ADAMTS17: variants seen among roughly 807,000 people sequenced by gnomAD.
ADAMTS17 encodes ADAM metallopeptidase with thrombospondin type 1 motif 17.
In ADAMTS17, 113 loss-of-function variants were observed where a neutral mutation model predicts 141.5. That is an observed-to-expected ratio of 0.80 (90% CI 0.69 to 0.93). The LOEUF (loss-of-function observed/expected upper bound fraction) is 0.93. Ranked by LOEUF, ADAMTS17 falls within the 40% of genes least tolerant of loss-of-function variation. The pLI, the probability that ADAMTS17 is intolerant of heterozygous loss-of-function variation, is 0.00. For missense variants in ADAMTS17, 1,659 were observed against 1,517.9 expected (o/e 1.09, Z -1.54); for synonymous variants, 768 against 630.6 (o/e 1.22, Z -3.27).
At chr15:100,102,362 A>AGCTGAAGGGGATCTACATTTGAGGGCCG (rs1567175899) in intron 14 of ADAMTS17, among the ~76,000 whole-genome samples, 4 of 81,366 alleles carry the variant, frequency 4.9e-5, no homozygotes, top group African/African-American at 2.3e-4. Context: ...TTTGAGGGCC[A>AGCTGAAGGGGATCTACATTTGAGGGCCG]ACCGAAGGGG....
At chr15:100,201,339 CT>C (rs140694860) in intron 7 of ADAMTS17, among the ~76,000 whole-genome samples, 11,777 of 152,206 alleles carry the variant, frequency 0.077, 582 homozygotes, top group South Asian at 0.21. Flanking sequence ...CCCCTCCCCC[CT>C]CTCTCCTGCT....
At chr15:100,041,039 C>T (rs981118352) in intron 18 of ADAMTS17, among the ~76,000 whole-genome samples, 10 of 152,220 alleles carry the variant, frequency 6.6e-5, no homozygotes, top group African/African-American at 2.4e-4. Context: ...TTCCAGGCTT[C>T]ATTCTTAAGT....
intron 4 of ADAMTS17, among the ~76,000 whole-genome samples, chr15:100,275,305 G>C (rs1232747484): frequency 6.6e-6 from 1 of 152,222 alleles, no homozygotes; most frequent in Non-Finnish European, 1.5e-5. Context: ...TGAAAGGCAG[G>C]GGGTGGGGGG....
chr15:99,987,282 C>T (rs2727224), intron 20 of ADAMTS17, among the ~76,000 whole-genome samples: 16,905 of 152,216 alleles, frequency 0.11, 2,903 homozygotes, highest in African/African-American at 0.37. Flanking sequence ...GCTCCCTCTA[C>T]TGCAACACAG....
intron 13 of ADAMTS17, among the ~76,000 whole-genome samples, chr15:100,114,133 T>C (rs1390598422): frequency 6.6e-6 from 1 of 150,826 alleles, no homozygotes; most frequent in Non-Finnish European, 1.5e-5. Flanking sequence ...CCTTGGAAAA[T>C]CTACCTCTGC....
chr15:100,087,877 A>C (rs1324497046), intron 15 of ADAMTS17, among the ~76,000 whole-genome samples: 3 of 152,220 alleles, frequency 2.0e-5, no homozygotes, highest in Admixed American at 6.5e-5. Flanking sequence ...CCCACAGCCA[A>C]CATCATACTG....
intron 7 of ADAMTS17, among the ~76,000 whole-genome samples, chr15:100,212,703 C>T (rs978610445): frequency 1.3e-5 from 2 of 152,120 alleles, no homozygotes; most frequent in African/African-American, 2.4e-5. Context: ...AAGGTGATAA[C>T]CAAAAATGCT....
chr15:100,027,124 G>A lies in ADAMTS17; in HGVS notation c.2591+21733C>T, dbSNP rs527851223. The stretch of plus-strand genomic sequence containing the variant: ...AGAAGTACTCATACCTTTGTAAAAC[G>A]CACTTTGTCTCTCTTTCCTAATCTT... On this transcript the variant is annotated intron_variant, in intron 18 of 21. Transcript: ENST00000268070. Among the ~76,000 whole-genome samples, 18 of 152,220 alleles carry A rather than the reference G, an allele frequency of 1.2e-4. No homozygotes were observed. The East Asian group carries it at 2.7e-3, about 23-fold the overall frequency.
chr15:100,144,778 C>T (rs1291537977), intron 10 of ADAMTS17, among the ~76,000 whole-genome samples: 1 of 146,766 alleles, frequency 6.8e-6, no homozygotes, highest in Non-Finnish European at 1.5e-5. Flanking sequence ...ACACGCGTGT[C>T]GATGAGAAAC....
intron 18 of ADAMTS17, among the ~76,000 whole-genome samples, chr15:100,007,291 C>T (rs892254236): frequency 2.0e-5 from 3 of 152,176 alleles, no homozygotes; most frequent in Admixed American, 1.3e-4. Context: ...ATGTCTGGTC[C>T]ACACCTTAAG....
chr15:100,170,583 G>A (rs995449210), intron 8 of ADAMTS17, among the ~76,000 whole-genome samples: 1 of 152,168 alleles, frequency 6.6e-6, no homozygotes, highest in African/African-American at 2.4e-5. Context: ...GGTTTGTTCT[G>A]GTAAACCTCA....
chr15:100,264,116 T>C (rs1306304105), intron 4 of ADAMTS17, among the ~76,000 whole-genome samples: 1 of 152,252 alleles, frequency 6.6e-6, no homozygotes, highest in Non-Finnish European at 1.5e-5. Flanking sequence ...TAGAACACAT[T>C]CAGTTGTTCT....
intron 9 of ADAMTS17, among the ~76,000 whole-genome samples, chr15:100,153,039 T>C (rs2141358671): frequency 1.6e-5 from 1 of 63,928 alleles, no homozygotes; most frequent in South Asian, 5.2e-4. Context: ...TGATGGACTT[T>C]TACTGGGGAG....
chr15:99,974,209 A>G lies in ADAMTS17; in HGVS notation c.*193T>C. ...ATGCCTACTTTCTCCTCACTGTAGA[A>G]AGCCAGCCAGTGGCTGTTAACAATA... On this transcript the variant is annotated 3_prime_UTR_variant, in exon 22 of 22. Coordinates refer to ENST00000268070, the MANE Select transcript of ADAMTS17 (RefSeq NM_139057.4). 1.5e-6 allele frequency: 1 copy of G among 676,380 alleles called. No homozygotes were observed. Among genetic ancestry groups the G allele is most frequent in the Non-Finnish European group, 2.5e-6 (1 of 396,918 alleles). 41.9% of individuals were successfully genotyped at this position (676,380 alleles called of 1,614,324 possible).
chr15:100,098,369 C>T (rs2035890804), intron 14 of ADAMTS17, among the ~76,000 whole-genome samples: 1 of 152,022 alleles, frequency 6.6e-6, no homozygotes, highest in South Asian at 2.1e-4. Context: ...CAGGGGCTGG[C>T]CCGGTGCGGT....
At chr15:100,041,374 T>A (rs1232795380) in intron 18 of ADAMTS17, among the ~76,000 whole-genome samples, 3 of 152,244 alleles carry the variant, frequency 2.0e-5, no homozygotes, top group African/African-American at 7.2e-5. Context: ...AAGTGGCTAA[T>A]AAGCTCTTAA....
intron 8 of ADAMTS17, among the ~76,000 whole-genome samples, chr15:100,157,957 C>T (rs1405127206): frequency 3.3e-5 from 5 of 150,986 alleles, no homozygotes; most frequent in African/African-American, 9.8e-5. Flanking sequence ...GGCAGAATCT[C>T]GGATCACTGC....
intron 14 of ADAMTS17, among the ~76,000 whole-genome samples, chr15:100,105,434 G>A (rs1031347257): frequency 2.6e-5 from 4 of 152,192 alleles, no homozygotes; most frequent in African/African-American, 7.2e-5. Context: ...AGACAGGCTG[G>A]TCCTGGGGAT....
intron 20 of ADAMTS17, among the ~76,000 whole-genome samples, chr15:99,986,451 G>T (rs2060587540): frequency 6.6e-6 from 1 of 152,108 alleles, no homozygotes; most frequent in African/African-American, 2.4e-5. Context: ...TGCATCATTT[G>T]ATTCGAAAGG....
Sources: gnomAD v4.1 joint callset for allele counts (sites outside exome capture counted in the v4.1 genomes callset) on GRCh38, gnomAD v4.1.1 for gene constraint, MANE v1.5 for transcripts, NCBI Gene and HGNC (gene_info 2026-07-23, HGNC 2026-07-21) for gene names.